The following EEPD1 variants were observed in gnomAD, a reference collection of about 807,000 sequenced individuals.
EEPD1 encodes the protein endonuclease/exonuclease/phosphatase family domain containing 1, also known as endonuclease/exonuclease/phosphatase family domain-containing protein 1.
EEPD1 carries 17 observed loss-of-function variants against 46.3 expected under a neutral mutation model. The observed-to-expected ratio is 0.37, with a 90% CI of 0.25 to 0.55. The LOEUF (loss-of-function observed/expected upper bound fraction) is 0.55. Ranked by LOEUF, EEPD1 falls within the 20% of genes least tolerant of loss-of-function variation. The pLI, the probability that EEPD1 is intolerant of heterozygous loss-of-function variation, is 0.83. For synonymous variants in EEPD1, 313 were observed against 315.6 expected, an observed-to-expected ratio of 0.99 and a Z score of 0.09; for missense variants, 673 against 745.6, an observed-to-expected ratio of 0.90 and a Z score of 1.13.
chr7:36,198,300 C>T (rs1163893735), intron 2 of EEPD1, among the ~76,000 whole-genome samples: 1 of 131,782 alleles, frequency 7.6e-6, no homozygotes, highest in East Asian at 2.4e-4. Context: ...TATTGTATTT[C>T]CTGTAGGCCC....
rs139254026 is a variant in EEPD1 at position 36,270,230 on chromosome 7, T to C, written c.931-10885T>C. Among the ~76,000 whole-genome samples the C allele has an allele frequency of 1.6e-4, 25 of 152,338 alleles. 1 individual carries two copies. The East Asian group carries it at 4.8e-3, about 29-fold the overall frequency. ...TAGTGGTCTTTGCACAGTGGTATTA[T>C]ACTTAATTTTTTTCTGACTCTCTAT... On this transcript the variant is annotated intron_variant, in intron 3 of 7. Transcript: ENST00000242108.
intron 2 of EEPD1, among the ~76,000 whole-genome samples, chr7:36,156,558 G>A (rs1436521905): frequency 6.6e-6 from 1 of 152,176 alleles, no homozygotes; most frequent in Non-Finnish European, 1.5e-5. Context: ...GAGGGGAGAG[G>A]CAGGAAAGAC....
At chr7:36,197,578 C>T (rs1205718521) in intron 2 of EEPD1, among the ~76,000 whole-genome samples, 1 of 152,196 alleles carries the variant, frequency 6.6e-6, no homozygotes, top group Non-Finnish European at 1.5e-5. Context: ...AAGAAAAATT[C>T]TTCTGCCTTG....
chr7:36,288,766 A>G (rs1287959582), intron 6 of EEPD1, among the ~76,000 whole-genome samples: 1 of 150,410 alleles, frequency 6.6e-6, no homozygotes, highest in Non-Finnish European at 1.5e-5. Flanking sequence ...CATCTCTTAA[A>G]AAAAAAAAAA....
intron 2 of EEPD1, among the ~76,000 whole-genome samples, chr7:36,230,105 A>T (rs1370820624): frequency 6.6e-6 from 1 of 151,984 alleles, no homozygotes; most frequent in Non-Finnish European, 1.5e-5. Context: ...TGGAAACTGG[A>T]GTAATGTTTC....
rs567663213 is a variant in EEPD1, at chr7:36,292,559, G to A, written c.1316-4434G>A. On this transcript the variant is annotated intron_variant, in intron 6 of 7. Transcript: ENST00000242108. Reference sequence around the variant, plus strand: ...GAGTCTCACTCTAGCCGAGGCTGGAGTGCAGTGGAGCCATGTTGGCTCACT... The same window carrying A: ...GAGTCTCACTCTAGCCGAGGCTGGAATGCAGTGGAGCCATGTTGGCTCACT... 6.6e-5 allele frequency among the ~76,000 whole-genome samples: 10 copies of A among 151,724 alleles called. No individual in the cohort carries two copies. In the East Asian group the frequency reaches 1.9e-3, roughly 29 times the overall value.
At chr7:36,249,842 A>G (rs899867119) in intron 3 of EEPD1, among the ~76,000 whole-genome samples, 1 of 152,176 alleles carries the variant, frequency 6.6e-6, no homozygotes, top group African/African-American at 2.4e-5. Flanking sequence ...ACAAATGTTT[A>G]TTTAAATACA....
chr7:36,292,550 G>A (rs937543291), intron 6 of EEPD1, among the ~76,000 whole-genome samples: 1 of 150,150 alleles, frequency 6.7e-6, no homozygotes, highest in African/African-American at 2.5e-5. Flanking sequence ...CACTCTAGCC[G>A]AGGCTGGAGT....
At position 36,221,582 on chromosome 7, in the gene EEPD1, G is replaced by T. The variant is rs115559471; in HGVS notation, c.879-17403G>T. ...AAAATCTGAACTCAGCAATTCCACC[G>T]TAACAGGAACATTTTCAGGTTGTGG... is the stretch of plus-strand genomic sequence containing the variant. On this transcript the variant is annotated intron_variant, in intron 2 of 7. Transcript: ENST00000242108. Among the ~76,000 whole-genome samples the T allele has an allele frequency of 9.6e-3, 1,464 of 152,268 alleles. 17 individuals carry two copies. The highest frequency in any genetic ancestry group is 0.033 in the African/African-American group (1,379 of 41,528).
chr7:36,153,362 G>C lies in EEPD1; in HGVS notation c.-505G>C, dbSNP rs1432674873. 1 of 150,780 alleles carries C rather than the reference G, an allele frequency of 6.6e-6. No homozygotes were observed. Among genetic ancestry groups the C allele is most frequent in the African/African-American group, 2.4e-5 (1 of 41,148 alleles). 9.3% of individuals were successfully genotyped at this position (150,780 alleles called of 1,614,324 possible). A position where few individuals can be genotyped will look rare whatever the true frequency, so the allele number is the denominator to read the frequency against. On this transcript the variant is annotated 5_prime_UTR_variant, in exon 1 of 8. Transcript: ENST00000242108. ...GTTGGGCGCAGGACTTTTTGCCGGGGTAAACGCAACTGCGGCGGCGCCGCC... is the reference window on the plus strand; with the variant it reads ...GTTGGGCGCAGGACTTTTTGCCGGGCTAAACGCAACTGCGGCGGCGCCGCC...
chr7:36,244,789 TGGA>T (rs1562700265), intron 3 of EEPD1, among the ~76,000 whole-genome samples: 4 of 113,670 alleles, frequency 3.5e-5, no homozygotes, highest in Non-Finnish European at 7.3e-5. Flanking sequence ...TTTTTTTTTT[TGGA>T]GACGGAGTCT....
intron 3 of EEPD1, among the ~76,000 whole-genome samples, chr7:36,253,932 T>A (rs1315726950): frequency 1.3e-5 from 2 of 152,198 alleles, no homozygotes; most frequent in Non-Finnish European, 2.9e-5. Flanking sequence ...TTTAATGCTA[T>A]TATTGCTGTA....
At chr7:36,226,294 C>G (rs1786230369) in intron 2 of EEPD1, among the ~76,000 whole-genome samples, 1 of 152,168 alleles carries the variant, frequency 6.6e-6, no homozygotes, top group South Asian at 2.1e-4. Context: ...ATGATGAGTA[C>G]TAATAGCCGC....
Position 36,270,784 on chromosome 7 carries a change from T to A in EEPD1, c.931-10331T>A, listed in dbSNP as rs957380175. Among the ~76,000 whole-genome samples the A allele has an allele frequency of 3.3e-5, 5 of 152,198 alleles. No homozygotes were observed. The South Asian group carries it at 1.0e-3, about 31-fold the overall frequency. Reference sequence around the variant, plus strand: ...AAACATACATGTGCATGTGTCTTTATAACAGAATGATTTATAATCCTTTGG... The same window carrying A: ...AAACATACATGTGCATGTGTCTTTAAAACAGAATGATTTATAATCCTTTGG... On this transcript the variant is annotated intron_variant, in intron 3 of 7. Coordinates refer to ENST00000242108, the MANE Select transcript of EEPD1 (RefSeq NM_030636.3).
At chr7:36,211,582 G>GA (rs1319468267) in intron 2 of EEPD1, among the ~76,000 whole-genome samples, 1 of 152,112 alleles carries the variant, frequency 6.6e-6, no homozygotes, top group African/African-American at 2.4e-5. Flanking sequence ...AAAACCCTGA[G>GA]AAAAAAATCA....
At chr7:36,210,706 C>T (rs1785913017) in intron 2 of EEPD1, among the ~76,000 whole-genome samples, 2 of 152,182 alleles carry the variant, frequency 1.3e-5, no homozygotes, top group South Asian at 4.1e-4. Flanking sequence ...AAGCTTCTTC[C>T]CACCTGCGCA....
chr7:36,179,162 C>T (rs149971555), intron 2 of EEPD1, among the ~76,000 whole-genome samples: 57 of 152,296 alleles, frequency 3.7e-4, no homozygotes, highest in Admixed American at 3.3e-4. Context: ...CTTTAATCTG[C>T]GGGATTTAGT....
At chr7:36,258,560 A>T (rs1283822117) in intron 3 of EEPD1, among the ~76,000 whole-genome samples, 2 of 152,186 alleles carry the variant, frequency 1.3e-5, no homozygotes, top group Non-Finnish European at 2.9e-5. Context: ...GTCTGGCTAC[A>T]GTGGCTTTGC....
At chr7:36,195,291 G>A (rs1365576009) in intron 2 of EEPD1, among the ~76,000 whole-genome samples, 2 of 152,218 alleles carry the variant, frequency 1.3e-5, no homozygotes, top group Non-Finnish European at 1.5e-5. Context: ...CTGCCTCCCT[G>A]ACCCAGTGTG....
Sources: allele counts gnomAD v4.1 joint callset (sites outside exome capture counted in the v4.1 genomes callset), GRCh38; gene constraint gnomAD v4.1.1; transcripts MANE v1.5; gene names NCBI Gene and HGNC (gene_info 2026-07-23, HGNC 2026-07-21).